INSR: variants seen among roughly 807,000 people sequenced by gnomAD.
INSR encodes insulin receptor.
A neutral mutation model predicts 142.6 loss-of-function variants in INSR; 67 were observed. The observed-to-expected ratio is 0.47, with a 90% CI of 0.39 to 0.58. INSR has a LOEUF of 0.58. INSR is among the 20% of genes least tolerant of loss of function. The pLI, the probability that INSR is intolerant of heterozygous loss-of-function variation, is 0.00. For missense variants in INSR, 1,248 were observed against 1,833.2 expected, an observed-to-expected ratio of 0.68 and a Z score of 5.83; for synonymous variants, 756 against 743.1, an observed-to-expected ratio of 1.02 and a Z score of -0.28.
chr19:7,226,101 G>A (rs1321609277), intron 2 of INSR, among the ~76,000 whole-genome samples: 1 of 152,190 alleles, frequency 6.6e-6, no homozygotes, highest in Admixed American at 6.5e-5. Context: ...CACTAAAAAA[G>A]GAAAATTAAA....
Position 7,143,075 on chromosome 19 carries a change from G to A in INSR, c.2283C>T (p.Arg761=). ...GAEDPRPSRK[R]RSLGDVGNVT... ...CATTCCCAACATCGCCAAGGGACCTGCGTTTCCGAGATGGCCTGGAACGAC... is the reference window on the plus strand; with the variant it reads ...CATTCCCAACATCGCCAAGGGACCTACGTTTCCGAGATGGCCTGGAACGAC... Residue 761 remains arginine (R), a synonymous_variant, in exon 12 of 22, where the codon CGC becomes CGT. Coordinates refer to ENST00000302850, the MANE Select transcript of INSR (RefSeq NM_000208.4). 7 of 1,614,208 alleles carry A rather than the reference G, an allele frequency of 4.3e-6. No individual in the cohort carries two copies. The highest frequency in any genetic ancestry group is 5.9e-6 in the Non-Finnish European group (7 of 1,180,046).
In INSR at chr19:7,275,341, C is replaced by A. The variant is rs79610891; in HGVS notation, c.101-7445G>T. ...GGATCCCCGCCTCTGGAGACGAGTC[C>A]CGCCTACTACCTCAAGTTCACATAA... On this transcript the variant is annotated intron_variant, in intron 1 of 21. Transcript: ENST00000302850. Among the ~76,000 whole-genome samples, 2,382 of 152,146 alleles carry A rather than the reference C, an allele frequency of 0.016. 102 individuals are homozygous for A. In the East Asian group the frequency reaches 0.17, roughly 11 times the overall value.
intron 2 of INSR, among the ~76,000 whole-genome samples, chr19:7,237,800 A>G (rs1034391233): frequency 1.3e-5 from 2 of 152,094 alleles, no homozygotes; most frequent in African/African-American, 4.8e-5. Flanking sequence ...TGGGTGACAG[A>G]GCGAGACTCC....
intron 1 of INSR, among the ~76,000 whole-genome samples, chr19:7,269,917 AC>A (rs1361802057): frequency 6.6e-6 from 1 of 152,084 alleles, no homozygotes; most frequent in Non-Finnish European, 1.5e-5. Flanking sequence ...GACATAACTT[AC>A]CCTAAAAAAA....
At chr19:7,197,973 TCC>T (rs1231206668) in intron 2 of INSR, among the ~76,000 whole-genome samples, 2 of 142,220 alleles carry the variant, frequency 1.4e-5, no homozygotes, top group African/African-American at 5.7e-5. Flanking sequence ...TGTGTGTGTG[TCC>T]CCATGGTGGG....
intron 2 of INSR, among the ~76,000 whole-genome samples, chr19:7,223,988 C>G (rs1975700903): frequency 6.6e-6 from 1 of 151,916 alleles, no homozygotes; most frequent in African/African-American, 2.4e-5. Flanking sequence ...CTCTGCCACC[C>G]AGGCTGGAGT....
intron 2 of INSR, among the ~76,000 whole-genome samples, chr19:7,196,336 T>C (rs1051737042): frequency 6.6e-6 from 1 of 152,190 alleles, no homozygotes; most frequent in Non-Finnish European, 1.5e-5. Flanking sequence ...AAAATGTATA[T>C]AATGTGTGTG....
At chr19:7,279,037 G>A (rs1968138726) in intron 1 of INSR, among the ~76,000 whole-genome samples, 1 of 152,084 alleles carries the variant, frequency 6.6e-6, no homozygotes, top group Non-Finnish European at 1.5e-5. Context: ...GCTGAAGCAG[G>A]ACAATCTCTT....
intron 2 of INSR, among the ~76,000 whole-genome samples, chr19:7,209,693 T>A (rs1975217903): frequency 6.6e-6 from 1 of 151,916 alleles, no homozygotes; most frequent in Admixed American, 6.6e-5. Flanking sequence ...GGATTACAGG[T>A]GTGAGCCATG....
chr19:7,197,575 T>A (rs1474785366), intron 2 of INSR, among the ~76,000 whole-genome samples: 5 of 45,166 alleles, frequency 1.1e-4, no homozygotes, highest in African/African-American at 3.1e-4. Context: ...TGTGTGTGTT[T>A]GGGTGTGTGT....
In INSR at chr19:7,277,933, A is replaced by G. The variant is rs1440179816; in HGVS notation, c.101-10037T>C. The stretch of plus-strand genomic sequence containing the variant: ...ATGGTGAAACCCCGTCTCTACTAAA[A>G]ATACAAAAAAATTAGCCGGGCACGG... On this transcript the variant is annotated intron_variant, in intron 1 of 21. Coordinates refer to ENST00000302850, the MANE Select transcript of INSR (RefSeq NM_000208.4). 4.6e-5 allele frequency among the ~76,000 whole-genome samples: 7 copies of G among 151,862 alleles called. No individual in the cohort carries two copies. In the South Asian group the frequency reaches 1.5e-3, roughly 32 times the overall value.
chr19:7,194,927 C>T (rs10411728), intron 2 of INSR, among the ~76,000 whole-genome samples: 27,740 of 151,818 alleles, frequency 0.18, 2,826 homozygotes, highest in Non-Finnish European at 0.23. Context: ...AACCTGTTCT[C>T]GTATTAAATG....
chr19:7,177,883 A>T (rs550621195), intron 3 of INSR, among the ~76,000 whole-genome samples: 1 of 151,928 alleles, frequency 6.6e-6, no homozygotes, highest in South Asian at 2.1e-4. Context: ...TGGTGCATGA[A>T]ACCACAAGAT....
intron 2 of INSR, among the ~76,000 whole-genome samples, chr19:7,200,804 G>A (rs1247919627): frequency 1.4e-5 from 2 of 147,776 alleles, no homozygotes; most frequent in Non-Finnish European, 3.0e-5. Context: ...AGGCTGCAGT[G>A]AGCTAGGATC....
chr19:7,290,929 G>T (rs1968475863), intron 1 of INSR, among the ~76,000 whole-genome samples: 2 of 151,908 alleles, frequency 1.3e-5, no homozygotes, highest in Non-Finnish European at 2.9e-5. Context: ...AAATAAGCCG[G>T]TGTTGTGGAA....
chr19:7,226,990 C>T (rs1344840634), intron 2 of INSR, among the ~76,000 whole-genome samples: 1 of 152,160 alleles, frequency 6.6e-6, no homozygotes, highest in African/African-American at 2.4e-5. Context: ...GTAAACAGTT[C>T]AAATCTTGTC....
intron 2 of INSR, among the ~76,000 whole-genome samples, chr19:7,250,120 C>T (rs1976665201): frequency 6.6e-6 from 1 of 151,212 alleles, no homozygotes; most frequent in African/African-American, 2.4e-5. Flanking sequence ...GATCATGCTA[C>T]TGCACTCCAG....
intron 1 of INSR, among the ~76,000 whole-genome samples, chr19:7,277,103 T>A (rs1235728181): frequency 1.3e-5 from 2 of 152,142 alleles, no homozygotes; most frequent in East Asian, 3.8e-4. Context: ...GGTCTCTGGC[T>A]GTGTATACCT....
rs755331916 is a variant in INSR at position 7,141,657 on chromosome 19, C to G, written c.2682+20G>C. 1 of 1,613,824 alleles carries G rather than the reference C, an allele frequency of 6.2e-7. No homozygotes were observed. Among genetic ancestry groups the G allele is most frequent in the African/African-American group, 1.3e-5 (1 of 74,916 alleles). ...CATGCTGAAGTGTGCAGGGGCATGC[C>G]CAAGAGTCAAGGGCCTTACCTCATC... On this transcript the variant is annotated intron_variant, in intron 13 of 21. Transcript: ENST00000302850.
Sources: gnomAD v4.1 joint callset for allele counts (sites outside exome capture counted in the v4.1 genomes callset) on GRCh38, gnomAD v4.1.1 for gene constraint, MANE v1.5 for transcripts, NCBI Gene and HGNC (gene_info 2026-07-23, HGNC 2026-07-21) for gene names.